GSG1L: variants seen among roughly 807,000 people sequenced by gnomAD.
GSG1L encodes the protein GSG1 like.
In GSG1L, 24 loss-of-function variants were observed where a neutral mutation model predicts 42.1. The observed-to-expected ratio is 0.57, with a 90% CI of 0.41 to 0.80. The LOEUF (loss-of-function observed/expected upper bound fraction) is 0.80. GSG1L is among the 30% of genes least tolerant of loss of function. GSG1L has a pLI of 0.00. For missense variants in GSG1L, 445 were observed against 472.2 expected, an observed-to-expected ratio of 0.94 and a Z score of 0.53; for synonymous variants, 215 against 203.5, an observed-to-expected ratio of 1.06 and a Z score of -0.48.
intron 1 of GSG1L, among the ~76,000 whole-genome samples, chr16:27,990,620 G>A (rs1411791224): frequency 6.6e-6 from 1 of 152,130 alleles, no homozygotes; most frequent in Non-Finnish European, 1.5e-5. Context: ...AGCAGGTCCA[G>A]GAACCTCAAG....
chr16:27,979,661 A>AAGAAAGAAAGAAAGAAAGAG lies in GSG1L; in HGVS notation c.350-16459_350-16458insCTCTTTCTTTCTTTCTTTCT, dbSNP rs368394279. Among the ~76,000 whole-genome samples, 59 of 67,712 alleles carry AAGAAAGAAAGAAAGAAAGAG rather than the reference A, an allele frequency of 8.7e-4. 1 individual carries two copies. The highest frequency in any genetic ancestry group is 1.4e-3 in the Non-Finnish European group (48 of 35,076). 44.4% of individuals were successfully genotyped at this position (67,712 alleles called of 152,430 possible). On this transcript the variant is annotated intron_variant, in intron 1 of 6. Coordinates refer to ENST00000447459, the MANE Select transcript of GSG1L (RefSeq NM_001109763.2). ...GGGAGGGGAAAGAAAGAAAGAAAGA[A>AAGAAAGAAAGAAAGAAAGAG]AGAGAGAGAGAGAGAGAGAAAGAAA...
intron 2 of GSG1L, among the ~76,000 whole-genome samples, chr16:27,927,138 TTTTTC>T (rs984266542): frequency 7.9e-5 from 12 of 151,834 alleles, no homozygotes; most frequent in African/African-American, 2.7e-4. Flanking sequence ...GGATCTTTTG[TTTTTC>T]TTTTCTTTTC....
chr16:27,901,744 C>T (rs998637106), intron 2 of GSG1L, among the ~76,000 whole-genome samples: 3 of 152,246 alleles, frequency 2.0e-5, no homozygotes, highest in Non-Finnish European at 4.4e-5. Flanking sequence ...CTGCAACCTT[C>T]TGGTGATGCC....
intron 2 of GSG1L, among the ~76,000 whole-genome samples, chr16:27,931,000 C>T (rs2084651503): frequency 6.6e-6 from 1 of 152,138 alleles, no homozygotes; most frequent in Non-Finnish European, 1.5e-5. Context: ...GATTCTTCCG[C>T]CTCGGCCTCC....
At chr16:27,899,006 A>G (rs2084225497) in intron 2 of GSG1L, among the ~76,000 whole-genome samples, 1 of 152,174 alleles carries the variant, frequency 6.6e-6, no homozygotes, top group Non-Finnish European at 1.5e-5. Flanking sequence ...AGCCCAGGGA[A>G]CCAGCTCAGC....
At position 27,850,712 on chromosome 16, in the gene GSG1L, G is replaced by A. The variant is rs139659735; in HGVS notation, c.551-5651C>T. The A allele has an allele frequency of 7.6e-4, 290 of 383,884 alleles. 3 individuals carry two copies. In the East Asian group the frequency reaches 0.01, roughly 13 times the overall value. 23.8% of individuals were successfully genotyped at this position (383,884 alleles called of 1,614,324 possible). A position where few individuals can be genotyped will look rare whatever the true frequency, so the allele number is the denominator to read the frequency against. ...CCTGGGGAAGTGGGAAAATGGGGGTGATAGCTGGAGAGGGCCTGGGGCTCA... is the reference window on the plus strand; with the variant it reads ...CCTGGGGAAGTGGGAAAATGGGGGTAATAGCTGGAGAGGGCCTGGGGCTCA... On this transcript the variant is annotated intron_variant, in intron 3 of 6. Coordinates refer to ENST00000447459, the MANE Select transcript of GSG1L (RefSeq NM_001109763.2).
At chr16:27,829,735 A>G (rs2083255082) in intron 4 of GSG1L, among the ~76,000 whole-genome samples, 1 of 152,142 alleles carries the variant, frequency 6.6e-6, no homozygotes, top group South Asian at 2.1e-4. Context: ...ATCGTAATGG[A>G]CAACAGCACT....
At chr16:27,911,929 G>A (rs2084396069) in intron 2 of GSG1L, among the ~76,000 whole-genome samples, 1 of 152,182 alleles carries the variant, frequency 6.6e-6, no homozygotes, top group Admixed American at 6.5e-5. Context: ...GCTCCATGGA[G>A]GCAGGGGTTT....
chr16:27,918,473 C>T (rs560774548), intron 2 of GSG1L, among the ~76,000 whole-genome samples: 7 of 152,086 alleles, frequency 4.6e-5, no homozygotes, highest in Non-Finnish European at 7.4e-5. Context: ...GCCTGGCCAA[C>T]GTGGCAAAAC....
At chr16:27,826,703 T>TCCACCAACAC (rs2083213284) in intron 5 of GSG1L, among the ~76,000 whole-genome samples, 1 of 152,146 alleles carries the variant, frequency 6.6e-6, no homozygotes, top group Non-Finnish European at 1.5e-5. Context: ...TGGGTCTTCA[T>TCCACCAACAC]CCACCAACAC....
Position 27,845,068 on chromosome 16 carries a change from G to A in GSG1L, c.551-7C>T, listed in dbSNP as rs752746124. 19 of 1,600,196 alleles carry A rather than the reference G, an allele frequency of 1.2e-5. No homozygotes were observed. In the Admixed American group the frequency reaches 1.5e-4, roughly 13 times the overall value. ...GCGACCATTCCCAGGAGGCCTGTGG[G>A]GCAGAGAGCAGAGCAAAGCGTCAGG... is the stretch of plus-strand genomic sequence containing the variant. On this transcript the variant is annotated splice_polypyrimidine_tract_variant and splice_region_variant and intron_variant, in intron 3 of 6. Coordinates refer to ENST00000447459, the MANE Select transcript of GSG1L (RefSeq NM_001109763.2).
intron 1 of GSG1L, among the ~76,000 whole-genome samples, chr16:28,023,531 T>C (rs777162955): frequency 3.3e-5 from 5 of 152,234 alleles, no homozygotes; most frequent in Non-Finnish European, 7.3e-5. Flanking sequence ...TGACAAATTG[T>C]TGTCCATTGT....
At chr16:27,795,895 C>A (rs922977765) in intron 6 of GSG1L, among the ~76,000 whole-genome samples, 2 of 152,184 alleles carry the variant, frequency 1.3e-5, no homozygotes, top group Non-Finnish European at 2.9e-5. Context: ...CCACCAAGAT[C>A]CGGGAATCAG....
intron 2 of GSG1L, among the ~76,000 whole-genome samples, chr16:27,917,405 G>A (rs958498157): frequency 5.9e-5 from 9 of 151,994 alleles, no homozygotes; most frequent in Non-Finnish European, 1.2e-4. Context: ...CTCCAAGGAT[G>A]TAGGGGGAAT....
intron 2 of GSG1L, among the ~76,000 whole-genome samples, chr16:27,893,062 T>C (rs535629569): frequency 1.2e-4 from 18 of 152,170 alleles, no homozygotes; most frequent in Middle Eastern, 6.8e-3. Flanking sequence ...GCCTCCATAA[T>C]GGTGGGGATG....
At chr16:27,976,072 C>T (rs1293309811) in intron 1 of GSG1L, among the ~76,000 whole-genome samples, 1 of 152,074 alleles carries the variant, frequency 6.6e-6, no homozygotes, top group Non-Finnish European at 1.5e-5. Context: ...GTCAGGCGTT[C>T]GAGACCAGCC....
intron 1 of GSG1L, among the ~76,000 whole-genome samples, chr16:28,054,153 GAGGCC>G (rs2086252850): frequency 6.6e-6 from 1 of 152,050 alleles, no homozygotes; most frequent in African/African-American, 2.4e-5. Context: ...CACACTCTGG[GAGGCC>G]AGGACATGGG....
rs1383597483 is a variant in GSG1L at position 27,788,815 on chromosome 16, G to T, written c.*2555C>A. On this transcript the variant is annotated 3_prime_UTR_variant, in exon 7 of 7. Transcript: ENST00000447459. ...TTTGCACAACAGCTTGAAGAGGTAG[G>T]TATAATGATTATCCGGATTTAATGG... The T allele has an allele frequency of 6.6e-6, 1 of 152,250 alleles. No homozygotes were observed. Among genetic ancestry groups the T allele is most frequent in the African/African-American group, 2.4e-5 (1 of 41,464 alleles). 9.4% of individuals were successfully genotyped at this position (152,250 alleles called of 1,614,324 possible). A position where few individuals can be genotyped will look rare whatever the true frequency, so the allele number is the denominator to read the frequency against.
chr16:27,791,259 C>T lies in GSG1L; in HGVS notation c.*111G>A. The T allele has an allele frequency of 1.6e-6, 1 of 640,812 alleles. No homozygotes were observed. 39.7% of individuals were successfully genotyped at this position (640,812 alleles called of 1,614,324 possible). The stretch of plus-strand genomic sequence containing the variant: ...GCCTGGCATCTCCCACGCAGGCTGA[C>T]TGAGTTCACGGCACACAGGCCAGGG... On this transcript the variant is annotated 3_prime_UTR_variant, in exon 7 of 7. Coordinates refer to ENST00000447459, the MANE Select transcript of GSG1L (RefSeq NM_001109763.2).
Sources: allele counts gnomAD v4.1 joint callset (sites outside exome capture counted in the v4.1 genomes callset), GRCh38; gene constraint gnomAD v4.1.1; transcripts MANE v1.5; gene names NCBI Gene and HGNC (gene_info 2026-07-23, HGNC 2026-07-21).